The following HIVEP3 variants were observed in gnomAD, a reference collection of about 807,000 sequenced individuals.
The protein encoded by HIVEP3 is HIVEP zinc finger 3.
HIVEP3 carries 49 observed loss-of-function variants against 152.8 expected under a neutral mutation model. The ratio of observed to expected loss-of-function variants is 0.32; its 90% CI spans 0.26 to 0.41. The LOEUF (loss-of-function observed/expected upper bound fraction) is 0.41, where lower values mean the gene tolerates loss of function less well. HIVEP3 is among the 10% of genes least tolerant of loss of function. HIVEP3 has a pLI of 1.00. For missense variants in HIVEP3, 2,790 were observed against 3,103.3 expected, an observed-to-expected ratio of 0.90 and a Z score of 2.40; for synonymous variants, 1,269 against 1,289.0, an observed-to-expected ratio of 0.98 and a Z score of 0.33.
At chr1:41,893,862 T>A (rs1026165043) in intron 1 of HIVEP3, among the ~76,000 whole-genome samples, 9 of 146,994 alleles carry the variant, frequency 6.1e-5, no homozygotes, top group Admixed American at 1.4e-4. Flanking sequence ...TATGAAAAAA[T>A]TATATATTAT....
intron 1 of HIVEP3, among the ~76,000 whole-genome samples, chr1:41,862,098 T>C (rs541551423): frequency 6.6e-6 from 1 of 152,272 alleles, no homozygotes; most frequent in African/African-American, 2.4e-5. Flanking sequence ...TTCGAGCAGC[T>C]TTACAAGAAC....
chr1:41,943,647 G>A (rs1645059038), intron 1 of HIVEP3, among the ~76,000 whole-genome samples: 1 of 152,194 alleles, frequency 6.6e-6, no homozygotes, highest in African/African-American at 2.4e-5. Context: ...TTTGAGAATG[G>A]AATCTAGTTC....
intron 1 of HIVEP3, among the ~76,000 whole-genome samples, chr1:41,732,204 C>T (rs1039052359): frequency 1.1e-4 from 17 of 152,214 alleles, no homozygotes; most frequent in South Asian, 4.1e-4. Flanking sequence ...TTGGGCCGGA[C>T]GGGGAGCATC....
At chr1:41,604,054 A>G (rs1474562666) in intron 3 of HIVEP3, among the ~76,000 whole-genome samples, 4 of 152,286 alleles carry the variant, frequency 2.6e-5, no homozygotes, top group Non-Finnish European at 4.4e-5. Flanking sequence ...AGGATGTGGT[A>G]CAACTGGAAC....
chr1:41,555,467 C>T (rs1643951581), intron 5 of HIVEP3, among the ~76,000 whole-genome samples: 1 of 152,220 alleles, frequency 6.6e-6, no homozygotes, highest in Non-Finnish European at 1.5e-5. Context: ...GAGGCGATGC[C>T]CTGCCCTGCT....
chr1:41,555,724 C>T (rs1180545036), intron 5 of HIVEP3, among the ~76,000 whole-genome samples: 2 of 152,188 alleles, frequency 1.3e-5, no homozygotes, highest in African/African-American at 2.4e-5. Context: ...CCACGACTGT[C>T]CAGCTCCAGA....
Position 41,580,931 on chromosome 1 carries a change from A to G in HIVEP3, c.3867T>C (p.Pro1289=). The G allele has an allele frequency of 6.2e-7, 1 of 1,612,402 alleles. No individual in the cohort carries two copies. Among genetic ancestry groups the G allele is most frequent in the Non-Finnish European group, 8.5e-7 (1 of 1,179,342 alleles). ...CTGAGGAGCTGGCTGGGGGAGCCAC[A>G]GGGGGTAGCCGGATGTCACTGCTGT... ...TEYSSDIRLP[P]VAPPASSSAP... The change falls in exon 4 of 9, where the codon CCT becomes CCC. Residue 1289 remains proline (P), a synonymous_variant. Coordinates refer to ENST00000372583, the MANE Select transcript of HIVEP3 (RefSeq NM_024503.5).
At chr1:41,525,216 C>T (rs993982487) in intron 5 of HIVEP3, among the ~76,000 whole-genome samples, 1 of 152,218 alleles carries the variant, frequency 6.6e-6, no homozygotes. Context: ...CTCCTTGGCA[C>T]AGCCAGCCCA....
intron 1 of HIVEP3, among the ~76,000 whole-genome samples, chr1:41,830,270 T>C (rs1642922490): frequency 7.6e-6 from 1 of 132,314 alleles, no homozygotes; most frequent in Non-Finnish European, 1.7e-5. Flanking sequence ...TCAGTGCCCA[T>C]CCCATAAGTT....
chr1:41,602,634 A>C (rs983410089), intron 3 of HIVEP3, among the ~76,000 whole-genome samples: 1 of 151,798 alleles, frequency 6.6e-6, no homozygotes, highest in Non-Finnish European at 1.5e-5. Context: ...CTTTTTTTCT[A>C]GCATAGCTAA....
At chr1:41,657,436 A>C (rs942413678) in intron 2 of HIVEP3, among the ~76,000 whole-genome samples, 3 of 152,154 alleles carry the variant, frequency 2.0e-5, no homozygotes, top group African/African-American at 7.2e-5. Context: ...GGAGCTGGTA[A>C]TTCTTTCACC....
intron 1 of HIVEP3, among the ~76,000 whole-genome samples, chr1:41,859,339 C>A (rs1643855898): frequency 6.6e-6 from 1 of 152,162 alleles, no homozygotes; most frequent in Admixed American, 6.5e-5. Context: ...TAAGGAAAAT[C>A]AGAATTTGGC....
intron 2 of HIVEP3, among the ~76,000 whole-genome samples, chr1:41,667,222 A>G (rs947346431): frequency 3.3e-5 from 5 of 152,266 alleles, no homozygotes; most frequent in African/African-American, 4.8e-5. Context: ...TGTCACAGAT[A>G]TTCAGAGCAT....
chr1:41,996,208 C>A (rs183299664), intron 1 of HIVEP3, among the ~76,000 whole-genome samples: 166 of 151,556 alleles, frequency 1.1e-3, no homozygotes, highest in Non-Finnish European at 3.4e-4. Context: ...GCCTGGCCAA[C>A]ATATCAAGAC....
chr1:41,678,054 A>G (rs1645983095), intron 2 of HIVEP3, among the ~76,000 whole-genome samples: 1 of 152,060 alleles, frequency 6.6e-6, no homozygotes, highest in Admixed American at 6.6e-5. Flanking sequence ...CCTTCTGGAG[A>G]GCAATTCTAA....
At chr1:41,896,178 C>A (rs1644524327) in intron 1 of HIVEP3, among the ~76,000 whole-genome samples, 1 of 152,166 alleles carries the variant, frequency 6.6e-6, no homozygotes. Flanking sequence ...CCTTTCTATG[C>A]AGCAGTTTTC....
intron 5 of HIVEP3, among the ~76,000 whole-genome samples, chr1:41,529,366 C>CGCTCACCCTCACAT: frequency 7.1e-6 from 1 of 141,198 alleles, no homozygotes; most frequent in South Asian, 2.4e-4. Context: ...CACACTCACA[C>CGCTCACCCTCACAT]GCTCACCCTC....
intron 1 of HIVEP3, among the ~76,000 whole-genome samples, chr1:41,836,142 T>C (rs1307874387): frequency 2.0e-5 from 3 of 152,200 alleles, no homozygotes; most frequent in Admixed American, 6.5e-5. Context: ...GCCAAGAATA[T>C]GTGCACATGC....
At chr1:41,529,808 A>C in intron 5 of HIVEP3, among the ~76,000 whole-genome samples, 4 of 134,906 alleles carry the variant, frequency 3.0e-5, no homozygotes, top group African/African-American at 5.7e-5. Context: ...ACATAACCCC[A>C]CAATCACACA....
Sources: gnomAD v4.1 joint callset for allele counts (sites outside exome capture counted in the v4.1 genomes callset) on GRCh38, gnomAD v4.1.1 for gene constraint, MANE v1.5 for transcripts, NCBI Gene and HGNC (gene_info 2026-07-23, HGNC 2026-07-21) for gene names.